The following NFIB variants were observed in gnomAD, a reference collection of about 807,000 sequenced individuals.
NFIB encodes nuclear factor 1 B-type.
Under a neutral mutation model 61.5 loss-of-function variants are expected in NFIB, and 11 were observed. The ratio of observed to expected loss-of-function variants is 0.18; its 90% CI spans 0.11 to 0.30. The LOEUF (loss-of-function observed/expected upper bound fraction) is 0.30, where lower values mean the gene tolerates loss of function less well. Ranked by LOEUF, NFIB falls within the 10% of genes least tolerant of loss-of-function variation. NFIB has a pLI of 1.00. For missense variants in NFIB, 471 were observed against 608.9 expected, an observed-to-expected ratio of 0.77 and a Z score of 2.38; for synonymous variants, 260 against 216.5, an observed-to-expected ratio of 1.20 and a Z score of -1.76.
the NFIB span, among the ~76,000 whole-genome samples, chr9:14,522,774 A>T: frequency 6.6e-6 from 1 of 152,210 alleles, no homozygotes; most frequent in African/African-American, 2.4e-5. Context: ...CATAATTTTC[A>T]TCAGATTAGC....
chr9:14,208,517 G>T (rs1215395339), intron 2 of NFIB, among the ~76,000 whole-genome samples: 1 of 150,668 alleles, frequency 6.6e-6, no homozygotes, highest in Non-Finnish European at 1.5e-5. Context: ...TTACTACTTT[G>T]AAGTTGTAAT....
Position 14,087,391 on chromosome 9 carries a change from T to G in NFIB, c.*918A>C, listed in dbSNP as rs2033017659. 1 of 207,888 alleles carries G rather than the reference T, an allele frequency of 4.8e-6. No homozygotes were observed. The highest frequency in any genetic ancestry group is 7.2e-5 in the East Asian group (1 of 13,798). The allele number at this position is 207,888 out of a possible 1,614,324, so 12.9% of individuals were successfully genotyped here. Reference sequence around the variant, plus strand: ...TTTAGAGTCCAAGGGCTGAAGGACTTATAATCATGATTCCCCTTTAGATAT... The same window carrying G: ...TTTAGAGTCCAAGGGCTGAAGGACTGATAATCATGATTCCCCTTTAGATAT... On this transcript the variant is annotated 3_prime_UTR_variant, in exon 11 of 11. Transcript: ENST00000380953.
intron 1 of NFIB, among the ~76,000 whole-genome samples, chr9:14,392,637 T>C (rs1038690920): frequency 1.3e-5 from 2 of 152,020 alleles, no homozygotes; most frequent in Non-Finnish European, 2.9e-5. Flanking sequence ...CTGAGATCTA[T>C]TGAACCCAGG....
At chr9:14,420,792 A>T in the NFIB span, among the ~76,000 whole-genome samples, 1 of 152,194 alleles carries the variant, frequency 6.6e-6, no homozygotes, top group Non-Finnish European at 1.5e-5. Context: ...GAAACTTCCT[A>T]CCAGGGGAAA....
At chr9:14,505,530 A>C in the NFIB span, among the ~76,000 whole-genome samples, 2 of 152,166 alleles carry the variant, frequency 1.3e-5, no homozygotes, top group African/African-American at 4.8e-5. Flanking sequence ...TCACCCCCTG[A>C]TAACTGGGGA....
intron 2 of NFIB, among the ~76,000 whole-genome samples, chr9:14,270,350 G>A (rs899537643): frequency 6.6e-5 from 10 of 151,890 alleles, no homozygotes; most frequent in Non-Finnish European, 2.9e-5. Flanking sequence ...ATAGTCAGTT[G>A]CTTATTGCCA....
intron 2 of NFIB, among the ~76,000 whole-genome samples, chr9:14,262,281 G>A (rs1314637230): frequency 1.3e-5 from 2 of 152,134 alleles, no homozygotes; most frequent in Non-Finnish European, 2.9e-5. Flanking sequence ...TCTTCCTGCT[G>A]GATCCCTCCC....
At chr9:14,523,067 G>C in the NFIB span, among the ~76,000 whole-genome samples, 1 of 152,160 alleles carries the variant, frequency 6.6e-6, no homozygotes, top group Admixed American at 6.5e-5. Flanking sequence ...TGGTATAGAA[G>C]GGTAGTGTCT....
At chr9:14,438,166 G>A in the NFIB span, among the ~76,000 whole-genome samples, 1 of 152,152 alleles carries the variant, frequency 6.6e-6, no homozygotes, top group Non-Finnish European at 1.5e-5. Flanking sequence ...GTGCTTGTAA[G>A]GGTACCAAGG....
intron 10 of NFIB, among the ~76,000 whole-genome samples, chr9:14,092,787 A>G (rs1480015354): frequency 1.3e-5 from 2 of 152,020 alleles, no homozygotes; most frequent in Admixed American, 6.6e-5. Context: ...TGAGTTCTAC[A>G]GCGTGAGGAT....
the NFIB span, among the ~76,000 whole-genome samples, chr9:14,480,734 C>G: frequency 6.6e-6 from 1 of 152,090 alleles, no homozygotes; most frequent in Admixed American, 6.6e-5. Flanking sequence ...ACAAGGGAGC[C>G]ACCATGGAGG....
chr9:14,508,367 C>T, the NFIB span, among the ~76,000 whole-genome samples: 1 of 152,146 alleles, frequency 6.6e-6, no homozygotes, highest in South Asian at 2.1e-4. Context: ...AAACCGCCCA[C>T]TCCTTGTCCA....
chr9:14,408,027 G>A, the NFIB span, among the ~76,000 whole-genome samples: 1 of 152,152 alleles, frequency 6.6e-6, no homozygotes, highest in Non-Finnish European at 1.5e-5. Flanking sequence ...CTGTAAATAA[G>A]TAGAATTATA....
chr9:14,225,246 T>C (rs1184240423), intron 2 of NFIB, among the ~76,000 whole-genome samples: 2 of 152,044 alleles, frequency 1.3e-5, no homozygotes, highest in African/African-American at 2.4e-5. Context: ...TCAAGAATGC[T>C]ATAAAAAAAT....
the NFIB span, among the ~76,000 whole-genome samples, chr9:14,412,314 G>T: frequency 1.3e-4 from 20 of 152,300 alleles, no homozygotes; most frequent in African/African-American, 4.8e-4. Context: ...TTTCAGAAAA[G>T]GGACCAAGTT....
In NFIB at chr9:14,082,435, A is replaced by G. The variant is rs2032100532; in HGVS notation, c.*5874T>C. ...GGGGGCAGCTCTTCCCAGGATGCTA[A>G]AAGTTCTATATGATATAAGCACAAA... On this transcript the variant is annotated 3_prime_UTR_variant, in exon 11 of 11. Coordinates refer to ENST00000380953, the MANE Select transcript of NFIB (RefSeq NM_001190737.2). 4.9e-6 allele frequency: 1 copy of G among 203,850 alleles called. No individual in the cohort carries two copies. The highest frequency in any genetic ancestry group is 1.0e-5 in the Non-Finnish European group (1 of 99,208). The allele number at this position is 203,850 out of a possible 1,614,324, so 12.6% of individuals were successfully genotyped here. A position where few individuals can be genotyped will look rare whatever the true frequency, so the allele number is the denominator to read the frequency against.
chr9:14,116,422 A>T, intron 8 of NFIB, 76 bp from the exon 9 acceptor site: 3 of 1,369,770 alleles, frequency 2.2e-6, no homozygotes, highest in Non-Finnish European at 2.9e-6. Context: ...CACTCAGCAC[A>T]CACGACTGTG....
At chr9:14,529,060 T>A in the NFIB span, among the ~76,000 whole-genome samples, 26 of 152,160 alleles carry the variant, frequency 1.7e-4, no homozygotes, top group Non-Finnish European at 3.2e-4. Flanking sequence ...TTTTAAAAAC[T>A]GAATGTAGGT....
intron 1 of NFIB, among the ~76,000 whole-genome samples, chr9:14,346,493 G>A (rs1298279677): frequency 1.3e-5 from 2 of 152,076 alleles, no homozygotes; most frequent in African/African-American, 2.4e-5. Context: ...AGAAAAGCCC[G>A]CCCAGCGTCC....
Sources: allele counts gnomAD v4.1 joint callset (sites outside exome capture counted in the v4.1 genomes callset), GRCh38; gene constraint gnomAD v4.1.1; transcripts MANE v1.5; gene names NCBI Gene and HGNC (gene_info 2026-07-23, HGNC 2026-07-21).